Variants in ATP2B2 observed in about 807,000 individuals in gnomAD.
ATP2B2 encodes ATPase plasma membrane Ca2+ transporting 2.
Under a neutral mutation model 120.0 loss-of-function variants are expected in ATP2B2, and 15 were observed. The observed-to-expected ratio is 0.12, with a 90% CI of 0.08 to 0.19. The LOEUF (loss-of-function observed/expected upper bound fraction) is 0.19. Among genes scored for constraint, ATP2B2 ranks in the 10% least tolerant of loss-of-function variants. ATP2B2 has a pLI of 1.00. For synonymous variants in ATP2B2, 694 were observed against 700.3 expected (o/e 0.99, Z 0.14); for missense variants, 1,045 against 1,719.8 (o/e 0.61, Z 6.94).
Position 10,428,608 on chromosome 3 carries a change from T to C in ATP2B2, c.200-17793A>G, listed in dbSNP as rs900563290. On this transcript the variant is annotated intron_variant, in intron 2 of 22. Transcript: ENST00000360273. The stretch of plus-strand genomic sequence containing the variant: ...ATCTCCGCAGCCACTTGAAATTTTA[T>C]GGGGAGACACAATGTTCCCATTGAG... Among the ~76,000 whole-genome samples, 8 of 152,340 alleles carry C rather than the reference T, an allele frequency of 5.3e-5. 1 individual carries two copies. The East Asian group carries it at 1.4e-3, about 26-fold the overall frequency.
intron 1 of ATP2B2, among the ~76,000 whole-genome samples, chr3:10,683,691 C>T (rs2071435220): frequency 7.1e-6 from 1 of 141,696 alleles, no homozygotes; most frequent in Admixed American, 7.1e-5. Flanking sequence ...TATATATACA[C>T]ATATGTATAT....
intron 1 of ATP2B2, among the ~76,000 whole-genome samples, chr3:10,652,313 C>T (rs1350994996): frequency 6.6e-6 from 1 of 152,192 alleles, no homozygotes; most frequent in Non-Finnish European, 1.5e-5. Flanking sequence ...AAGTCCACCA[C>T]CCTTCCCTAG....
At chr3:10,589,236 G>T (rs1041973366) in intron 2 of ATP2B2, among the ~76,000 whole-genome samples, 2 of 152,204 alleles carry the variant, frequency 1.3e-5, no homozygotes, top group African/African-American at 4.8e-5. Flanking sequence ...GAGTGGCCCA[G>T]AGAGGCTGTC....
At chr3:10,442,129 G>A (rs945205031) in intron 2 of ATP2B2, among the ~76,000 whole-genome samples, 11 of 152,112 alleles carry the variant, frequency 7.2e-5, no homozygotes, top group Admixed American at 7.2e-4. Context: ...CTCTTAGTTC[G>A]CTCACAGTAA....
chr3:10,388,438 T>C (rs765683125), intron 5 of ATP2B2, 36 bp from the exon 6 acceptor site: 14 of 1,613,864 alleles, frequency 8.7e-6, no homozygotes, highest in East Asian at 6.7e-5. Context: ...TACCATTGCA[T>C]GGTTGAAGCC....
At chr3:10,495,744 G>A (rs1006734692) in intron 1 of ATP2B2, among the ~76,000 whole-genome samples, 1 of 152,238 alleles carries the variant, frequency 6.6e-6, no homozygotes, top group African/African-American at 2.4e-5. Context: ...TGCAGGAGTG[G>A]CCCAGGCCAC....
rs138639618 is a variant in ATP2B2, at chr3:10,352,928, AG to A, written c.2137-2352del. 5.2e-3 allele frequency among the ~76,000 whole-genome samples: 799 copies of A among 152,250 alleles called. 5 individuals carry two copies. Among genetic ancestry groups the A allele is most frequent in the African/African-American group, 0.018 (746 of 41,554 alleles). ...GACGCTGGAGGACTTGGAGTTGGAA[AG>A]GGTTTTGGGTCATTGACTTTGACCC... On this transcript the variant is annotated intron_variant, in intron 14 of 22. Transcript: ENST00000360273.
rs138385807 is a variant in ATP2B2 at position 10,561,947 on chromosome 3, C to T, written c.-414-27814G>A. Among the ~76,000 whole-genome samples the T allele has an allele frequency of 4.6e-4, 70 of 152,366 alleles. No homozygotes were observed. The East Asian group carries it at 0.011, about 25-fold the overall frequency. On this transcript the variant is annotated intron_variant, in intron 2 of 21. Coordinates refer to the ATP2B2 transcript ENST00000646379. ...CAGTCAGGATTTGAACCCAGTCTGACTCTGCACTTAATATCTTGCCTCTCC... is the reference window on the plus strand; with the variant it reads ...CAGTCAGGATTTGAACCCAGTCTGATTCTGCACTTAATATCTTGCCTCTCC...
chr3:10,528,180 T>G (rs1440558058), intron 3 of ATP2B2, among the ~76,000 whole-genome samples: 1 of 152,166 alleles, frequency 6.6e-6, no homozygotes, highest in Admixed American at 6.5e-5. Flanking sequence ...TGGAAGTTCT[T>G]TTGTTCTGAG....
intron 2 of ATP2B2, among the ~76,000 whole-genome samples, chr3:10,562,564 C>T (rs1433249745): frequency 2.6e-5 from 4 of 152,148 alleles, no homozygotes; most frequent in African/African-American, 9.7e-5. Context: ...CCTGACCCCT[C>T]ACCTCCAGCG....
At chr3:10,493,217 C>T (rs1209853916) in intron 1 of ATP2B2, among the ~76,000 whole-genome samples, 2 of 151,844 alleles carry the variant, frequency 1.3e-5, no homozygotes, top group African/African-American at 4.8e-5. Flanking sequence ...ACATGCTATT[C>T]GAAAACAAGT....
At chr3:10,339,354 C>T (rs1323670400) in intron 21 of ATP2B2, among the ~76,000 whole-genome samples, 2 of 152,234 alleles carry the variant, frequency 1.3e-5, no homozygotes, top group Admixed American at 1.3e-4. Context: ...TAGCTTCTCA[C>T]TCTAGCCTGC....
At chr3:10,349,164 C>A (rs910047983) in intron 16 of ATP2B2, among the ~76,000 whole-genome samples, 77 of 152,320 alleles carry the variant, frequency 5.1e-4, no homozygotes, top group African/African-American at 1.8e-3. Flanking sequence ...TCTAAAAATA[C>A]CCAGTTGGCT....
chr3:10,683,783 T>C (rs1295090553), intron 1 of ATP2B2, among the ~76,000 whole-genome samples: 4 of 118,324 alleles, frequency 3.4e-5, no homozygotes, highest in Non-Finnish European at 7.1e-5. Context: ...TATATATATA[T>C]ATATATATAT....
chr3:10,482,679 C>T (rs1433144158), intron 1 of ATP2B2, among the ~76,000 whole-genome samples: 1 of 152,208 alleles, frequency 6.6e-6, no homozygotes. Flanking sequence ...CCCCTGAGGC[C>T]TCGCCAGTCA....
At chr3:10,695,465 A>G (rs886280383) in intron 1 of ATP2B2, among the ~76,000 whole-genome samples, 1 of 152,206 alleles carries the variant, frequency 6.6e-6, no homozygotes, top group Non-Finnish European at 1.5e-5. Flanking sequence ...CAAACCATAT[A>G]AACTGCCAAT....
In ATP2B2 at chr3:10,501,373, G is replaced by GTTTTTTT. The variant is rs71626976; in HGVS notation, c.-320+4085_-320+4091dup. Among the ~76,000 whole-genome samples the GTTTTTTT allele has an allele frequency of 2.8e-5, 4 of 143,802 alleles. 1 individual carries two copies. The highest frequency in any genetic ancestry group is 1.0e-4 in the African/African-American group (4 of 39,010). The allele number at this position is 143,802 out of a possible 152,430, so 94.3% of individuals were successfully genotyped here. A position where few individuals can be genotyped will look rare whatever the true frequency, so the allele number is the denominator to read the frequency against. ...CATAGCATAACCCATTTTTTAAACGGTTTTTTTTTTTTTTTGAGACAGGGT... is the reference window on the plus strand; with the variant it reads ...CATAGCATAACCCATTTTTTAAACGGTTTTTTTTTTTTTTTTTTTTTTGAGACAGGGT... On this transcript the variant is annotated intron_variant, in intron 1 of 22. Coordinates refer to ENST00000360273, the MANE Select transcript of ATP2B2 (RefSeq NM_001001331.4).
intron 14 of ATP2B2, among the ~76,000 whole-genome samples, chr3:10,355,422 G>A (rs561478521): frequency 2.6e-5 from 4 of 152,162 alleles, no homozygotes; most frequent in Admixed American, 6.5e-5. Context: ...CGTGGCCCAT[G>A]TGGATGCCCT....
intron 3 of ATP2B2, among the ~76,000 whole-genome samples, chr3:10,407,591 C>T (rs568508847): frequency 1.2e-4 from 19 of 152,278 alleles, no homozygotes; most frequent in African/African-American, 4.3e-4. Flanking sequence ...GGGGCGGAGG[C>T]GGGCAGTGGA....
Sources: gnomAD v4.1 joint callset for allele counts (sites outside exome capture counted in the v4.1 genomes callset) on GRCh38, gnomAD v4.1.1 for gene constraint, MANE v1.5 for transcripts, NCBI Gene and HGNC (gene_info 2026-07-23, HGNC 2026-07-21) for gene names.